The following IHO1 variants were observed in gnomAD, a reference collection of about 807,000 sequenced individuals.
IHO1 encodes interactor of HORMAD1 protein 1.
A neutral mutation model predicts 31.0 loss-of-function variants in IHO1; 13 were observed. The ratio of observed to expected loss-of-function variants is 0.42; its 90% CI spans 0.27 to 0.67. The LOEUF (loss-of-function observed/expected upper bound fraction) is 0.67. Ranked by LOEUF, IHO1 falls within the 30% of genes least tolerant of loss-of-function variation. The pLI is 0.24. For synonymous variants in IHO1, 221 were observed against 248.4 expected (o/e 0.89, Z 1.04); for missense variants, 599 against 687.5 (o/e 0.87, Z 1.44).
chr3:49,214,223 C>A (rs538557150), intron 2 of IHO1, among the ~76,000 whole-genome samples: 5 of 151,988 alleles, frequency 3.3e-5, no homozygotes, highest in Non-Finnish European at 7.4e-5. Context: ...GGAGCAAAAT[C>A]GAGATGATGT....
chr3:49,207,338 C>T (rs1313534002), intron 1 of IHO1, among the ~76,000 whole-genome samples: 1 of 149,674 alleles, frequency 6.7e-6, no homozygotes, highest in African/African-American at 2.5e-5. Flanking sequence ...CTCTGCCTCC[C>T]AGGTTCAAGG....
chr3:49,219,514 C>T (rs1039402682), intron 2 of IHO1, among the ~76,000 whole-genome samples: 2 of 152,152 alleles, frequency 1.3e-5, no homozygotes, highest in African/African-American at 4.8e-5. Flanking sequence ...GTGGGTCAAA[C>T]TCTGTTCGGG....
chr3:49,256,377 C>T lies in IHO1; in HGVS notation c.880C>T (p.Pro294Ser), dbSNP rs867997645. ...TRQEKYTSEKPVLWQAQALPA... is the reference protein window; with the variant it reads ...TRQEKYTSEKSVLWQAQALPA... ...GCAGGAAAAATACACCTCTGAGAAA[C>T]CAGTTTTATGGCAGGCCCAGGCCCT... Residue 294 changes from proline to serine, a missense_variant, in exon 8 of 8, where the codon CCA (proline) becomes TCA (serine). Pro to Ser is a moderately conservative substitution (Grantham distance 74). Coordinates refer to ENST00000452691, the MANE Select transcript of IHO1 (RefSeq NM_001135197.2). This position sits in a 1 kb window ranked among gnomAD's most constrained non-coding sequence, Gnocchi z 4.6. The T allele has an allele frequency of 2.5e-6, 4 of 1,614,048 alleles. No homozygotes were observed. The African/African-American group carries it at 5.3e-5, about 22-fold the overall frequency.
At chr3:49,207,046 T>TCAA (rs2046147771) in intron 1 of IHO1, among the ~76,000 whole-genome samples, 1 of 60,534 alleles carries the variant, frequency 1.7e-5, no homozygotes, top group Non-Finnish European at 3.0e-5. Context: ...AGACTCTGTC[T>TCAA]CAAAAAAAAA....
the IHO1 span, chr3:49,191,621 C>T: frequency 1.9e-6 from 2 of 1,077,548 alleles, no homozygotes; most frequent in African/African-American, 1.5e-5. Context: ...AAGTGGGCGG[C>T]TCAGGGTCCT....
At chr3:49,211,866 T>A in intron 2 of IHO1, 30 bp downstream of exon 2, 1 of 1,333,460 alleles carries the variant, frequency 7.5e-7, no homozygotes, top group Non-Finnish European at 1.1e-6. Context: ...TGTCTGATCC[T>A]TAAGAGGATT....
intron 1 of IHO1, among the ~76,000 whole-genome samples, chr3:49,203,974 G>A (rs909605575): frequency 6.6e-6 from 1 of 152,152 alleles, no homozygotes; most frequent in African/African-American, 2.4e-5. Flanking sequence ...AGTCCGTTTT[G>A]TGTTGCTATA....
intron 4 of IHO1, 149 bp downstream of exon 4, chr3:49,241,538 T>TAC (rs142564164): frequency 0.011 from 5,454 of 476,628 alleles, 100 homozygotes; most frequent in African/African-American, 0.065. Context: ...TACACACACA[T>TAC]ACACACACAC....
At chr3:49,207,320 A>T (rs1379257041) in intron 1 of IHO1, among the ~76,000 whole-genome samples, 6 of 146,084 alleles carry the variant, frequency 4.1e-5, no homozygotes, top group Non-Finnish European at 3.0e-5. Flanking sequence ...ATCTCGGCTC[A>T]CTGCAAACTC....
intron 2 of IHO1, among the ~76,000 whole-genome samples, chr3:49,232,654 C>T (rs1395356476): frequency 6.6e-6 from 1 of 152,200 alleles, no homozygotes; most frequent in Non-Finnish European, 1.5e-5. Flanking sequence ...AGAACCCCAA[C>T]TGTCACAAGC....
rs531004217 is a variant in IHO1, at chr3:49,250,407, A to G, written c.533-4983A>G. Among the ~76,000 whole-genome samples, 22 of 152,344 alleles carry G rather than the reference A, an allele frequency of 1.4e-4. No individual in the cohort carries two copies. In the South Asian group the frequency reaches 4.6e-3, roughly 32 times the overall value. Reference sequence around the variant, plus strand: ...GCCAAACATATGTTGCCCTGGGGACAAGAACTGAATGTATGGGACCTCAGA... The same window carrying G: ...GCCAAACATATGTTGCCCTGGGGACGAGAACTGAATGTATGGGACCTCAGA... On this transcript the variant is annotated intron_variant, in intron 6 of 7. Coordinates refer to ENST00000452691, the MANE Select transcript of IHO1 (RefSeq NM_001135197.2).
intron 6 of IHO1, among the ~76,000 whole-genome samples, chr3:49,253,831 T>C (rs978668022): frequency 7.4e-6 from 1 of 135,072 alleles, no homozygotes; most frequent in East Asian, 2.1e-4. Flanking sequence ...TATTTGTCTT[T>C]TTTTTTTTTT....
chr3:49,210,453 A>G (rs1352261880), intron 1 of IHO1, among the ~76,000 whole-genome samples: 4 of 151,074 alleles, frequency 2.6e-5, no homozygotes, highest in African/African-American at 9.7e-5. Context: ...GCTGGAGTGC[A>G]GTGGCACGAT....
In IHO1 at chr3:49,256,525, A is replaced by G; in HGVS notation, c.1028A>G (p.Glu343Gly). The change falls in exon 8 of 8, where the codon GAA becomes GGA. Residue 343 changes from glutamate to glycine, a missense_variant. By Grantham distance (98) the Glu-to-Gly change is moderately conservative (BLOSUM62 -2). Transcript: ENST00000452691. The surrounding 1 kb of genome is among the most constrained non-coding windows in gnomAD (Gnocchi z 4.6). The stretch of plus-strand genomic sequence containing the variant: ...GCACTGCCAGCATTTGGGTCCCATG[A>G]AAGAAATAGGCATGTAAAGGACAAG... ...EAALPAFGSH[E>G]RNRHVKDKVV... 1 of 1,614,198 alleles carries G rather than the reference A, an allele frequency of 6.2e-7. No homozygotes were observed. Among genetic ancestry groups the G allele is most frequent in the Non-Finnish European group, 8.5e-7 (1 of 1,180,044 alleles).
intron 2 of IHO1, among the ~76,000 whole-genome samples, chr3:49,232,515 G>T (rs1346855830): frequency 6.6e-6 from 1 of 152,296 alleles, no homozygotes; most frequent in East Asian, 1.9e-4. Context: ...CTCCAAGACG[G>T]AATCAACAGC....
chr3:49,229,486 G>T (rs113484423), intron 2 of IHO1, among the ~76,000 whole-genome samples: 1 of 152,178 alleles, frequency 6.6e-6, no homozygotes, highest in Non-Finnish European at 1.5e-5. Context: ...CCAGGAGAGC[G>T]CATAGCACAA....
chr3:49,256,152 G>GAAATGA lies in IHO1; in HGVS notation c.657_662dup (p.Met220_Lys221dup). On this transcript the variant is annotated inframe_insertion, in exon 8 of 8. Coordinates refer to ENST00000452691, the MANE Select transcript of IHO1 (RefSeq NM_001135197.2). This position sits in a 1 kb window ranked among gnomAD's most constrained non-coding sequence, Gnocchi z 4.6. ...TCCCCAGAGACAAGGAGAGTTTATA[G>GAAATGA]AAATGAAGTCCAACCTGAAGCACCT... 1 of 1,610,928 alleles carries GAAATGA rather than the reference G, an allele frequency of 6.2e-7. No homozygotes were observed. Among genetic ancestry groups the GAAATGA allele is most frequent in the African/African-American group, 1.3e-5 (1 of 74,944 alleles).
rs2046819551 is a variant in IHO1, at chr3:49,256,226, G to A, written c.729G>A (p.Glu243=). 1.9e-6 allele frequency: 3 copies of A among 1,614,038 alleles called. No individual in the cohort carries two copies. The highest frequency in any genetic ancestry group is 1.3e-5 in the African/African-American group (1 of 74,938). ...GTCAGGAATTCCAGCAGCTGTGTGA[G>A]CAGCTAGGCCAGCTGAATGTGCCCA... ...QQSQEFQQLC[E]QLGQLNVPSV... Residue 243 remains glutamate, a synonymous_variant, in exon 8 of 8, where the codon GAG becomes GAA. Coordinates refer to ENST00000452691, the MANE Select transcript of IHO1 (RefSeq NM_001135197.2). This position sits in a 1 kb window ranked among gnomAD's most constrained non-coding sequence, Gnocchi z 4.6.
chr3:49,191,862 G>A, the IHO1 span: 2 of 1,272,768 alleles, frequency 1.6e-6, no homozygotes, highest in East Asian at 5.0e-5. Flanking sequence ...TCAATTTTTT[G>A]TTGCTTAGTG....
Sources: gnomAD v4.1 joint callset for allele counts (sites outside exome capture counted in the v4.1 genomes callset) on GRCh38, gnomAD v4.1.1 for gene constraint, Gnocchi (gnomAD v3.1) non-coding constraint, MANE v1.5 for transcripts, NCBI Gene and HGNC (gene_info 2026-07-23, HGNC 2026-07-21) for gene names.